Variants in VPS8 observed in about 807,000 individuals in gnomAD.
VPS8 encodes the protein vacuolar protein sorting-associated protein 8 homolog.
A neutral mutation model predicts 216.4 loss-of-function variants in VPS8; 129 were observed. The observed-to-expected ratio is 0.60, with a 90% confidence interval of 0.52 to 0.69. VPS8 has a LOEUF of 0.69. VPS8 is among the 30% of genes least tolerant of loss of function. The pLI is 0.00. For synonymous variants in VPS8, 571 were observed against 565.4 expected, an observed-to-expected ratio of 1.01 and a Z score of -0.14; for missense variants, 1,531 against 1,683.5, an observed-to-expected ratio of 0.91 and a Z score of 1.59.
At chr3:185,030,913 C>T (rs1049195009) in intron 46 of VPS8, among the ~76,000 whole-genome samples, 20 of 151,986 alleles carry the variant, frequency 1.3e-4, no homozygotes, top group African/African-American at 4.8e-4. Context: ...TAGGCATGAG[C>T]CACCATGCCT....
chr3:185,003,115 TTTTTTTATTTTTA>T (rs962965697), intron 45 of VPS8, among the ~76,000 whole-genome samples: 30 of 135,484 alleles, frequency 2.2e-4, no homozygotes, highest in Middle Eastern at 4.0e-3. Context: ...ACATCTAATA[TTTTTTTATTTTTA>T]TTTTTATTTT....
chr3:184,887,664 T>C (rs1019971415), intron 22 of VPS8, among the ~76,000 whole-genome samples: 3 of 152,068 alleles, frequency 2.0e-5, no homozygotes, highest in Non-Finnish European at 2.9e-5. Context: ...AACCACTAGC[T>C]TGTACCACTT....
chr3:184,894,785 T>C lies in VPS8; in HGVS notation c.1864T>C (p.Tyr622His). 1.9e-6 allele frequency: 3 copies of C among 1,610,430 alleles called. No homozygotes were observed. Among genetic ancestry groups the C allele is most frequent in the African/African-American group, 1.3e-5 (1 of 74,964 alleles). Residue 622 changes from tyrosine (Y) to histidine (H), a missense_variant, in exon 23 of 48, where the codon TAT becomes CAT. By Grantham distance (83) the Tyr-to-His change is moderately conservative. Around this residue, in one of 3 missense-constraint regions of VPS8, gnomAD observed 1,318 missense variants for 1,468.4 expected, o/e 0.90. Transcript: ENST00000625842. ...AGTATTTTTGGAGTGCCTTGAGCCATATATTTTAAGTGATAAATTGGTGGG... is the reference window on the plus strand; with the variant it reads ...AGTATTTTTGGAGTGCCTTGAGCCACATATTTTAAGTGATAAATTGGTGGG... Reference protein sequence around the residue: ...KGVFLECLEPYILSDKLVGIT... With the variant: ...KGVFLECLEPHILSDKLVGIT...
intron 15 of VPS8, among the ~76,000 whole-genome samples, chr3:184,860,779 C>T (rs1726208418): frequency 6.6e-6 from 1 of 151,100 alleles, no homozygotes; most frequent in Admixed American, 6.6e-5. Context: ...AAAAACTTTG[C>T]AGAGCTCTCT....
At chr3:185,021,605 C>T (rs943630966) in intron 45 of VPS8, among the ~76,000 whole-genome samples, 3 of 152,158 alleles carry the variant, frequency 2.0e-5, no homozygotes, top group East Asian at 3.8e-4. Context: ...TGAATTCCAG[C>T]GTATTAATGT....
intron 39 of VPS8, among the ~76,000 whole-genome samples, chr3:184,971,131 T>C (rs1443225649): frequency 2.0e-5 from 3 of 152,218 alleles, no homozygotes; most frequent in African/African-American, 7.2e-5. Context: ...ATAAATGTCT[T>C]AGGTTCATTA....
intron 20 of VPS8, 36 bp from the exon 21 acceptor site, chr3:184,870,680 T>C: frequency 2.7e-6 from 4 of 1,495,018 alleles, no homozygotes; most frequent in Non-Finnish European, 3.7e-6. Context: ...TTTAGAGATA[T>C]ATTTTAATGT....
intron 46 of VPS8, among the ~76,000 whole-genome samples, chr3:185,031,079 T>C (rs1319146147): frequency 6.7e-6 from 1 of 148,636 alleles, no homozygotes; most frequent in African/African-American, 2.5e-5. Flanking sequence ...TTTTTTTTTT[T>C]TTTTTTTTTT....
chr3:184,955,333 A>C (rs1329149611), intron 36 of VPS8, among the ~76,000 whole-genome samples: 1 of 152,190 alleles, frequency 6.6e-6, no homozygotes, highest in African/African-American at 2.4e-5. Context: ...TGAAAGTCTT[A>C]AAGTATTTGA....
Position 184,824,661 on chromosome 3 carries a change from T to C in VPS8, c.29T>C (p.Val10Ala). ...GAAAATGAACCAGACCATGAAAATG[T>C]GGAACAGAGCCTCTGTGCCAAGACG... MENEPDHEN[V>A]EQSLCAKTSE... The change falls in exon 2 of 48, where the codon GTG becomes GCG. Residue 10 changes from valine (V) to alanine (A), a missense_variant. Physicochemically the swap from Val to Ala is moderately conservative, Grantham distance 64 (BLOSUM62 0). This residue lies in a region of VPS8 where 199 missense variants were observed against 182.2 expected (regional missense o/e 1.09). Transcript: ENST00000625842. The C allele has an allele frequency of 6.2e-7, 1 of 1,613,910 alleles. No individual in the cohort carries two copies.
At chr3:184,989,417 G>C (rs1198698102) in intron 42 of VPS8, among the ~76,000 whole-genome samples, 1 of 151,810 alleles carries the variant, frequency 6.6e-6, no homozygotes, top group Non-Finnish European at 1.5e-5. Context: ...TACAGTAATT[G>C]ATTTTTCTTG....
At chr3:184,942,044 T>G (rs1353129784) in intron 36 of VPS8, among the ~76,000 whole-genome samples, 1 of 152,206 alleles carries the variant, frequency 6.6e-6, no homozygotes, top group Non-Finnish European at 1.5e-5. Flanking sequence ...TTGATGTAGA[T>G]TATGCTCTAA....
At chr3:184,960,139 TCATC>T (rs2109506510) in intron 37 of VPS8, among the ~76,000 whole-genome samples, 1 of 152,306 alleles carries the variant, frequency 6.6e-6, no homozygotes, top group Non-Finnish European at 1.5e-5. Context: ...GTTTCCAGCT[TCATC>T]CATGTCCCTA....
At chr3:184,979,825 G>T (rs34142364) in intron 40 of VPS8, among the ~76,000 whole-genome samples, 7 of 152,202 alleles carry the variant, frequency 4.6e-5, no homozygotes, top group Non-Finnish European at 7.3e-5. Context: ...GTTATGTGCA[G>T]ATTTGATCCT....
chr3:184,836,000 C>G (rs1331176888), intron 5 of VPS8, among the ~76,000 whole-genome samples: 1 of 152,100 alleles, frequency 6.6e-6, no homozygotes, highest in Non-Finnish European at 1.5e-5. Flanking sequence ...TGAGCCACCT[C>G]GTCCAGCCAA....
At chr3:185,038,031 G>A (rs148664664) in intron 46 of VPS8, among the ~76,000 whole-genome samples, 1 of 152,136 alleles carries the variant, frequency 6.6e-6, no homozygotes, top group African/African-American at 2.4e-5. Flanking sequence ...TTCTTTGCAT[G>A]CCTCATAACT....
At chr3:184,857,645 T>G (rs999040945) in intron 14 of VPS8, among the ~76,000 whole-genome samples, 2 of 152,206 alleles carry the variant, frequency 1.3e-5, no homozygotes, top group African/African-American at 4.8e-5. Flanking sequence ...CTGATCTTCC[T>G]AAAATGTCAC....
chr3:184,931,345 C>T (rs1054516536), intron 34 of VPS8, among the ~76,000 whole-genome samples: 1 of 151,926 alleles, frequency 6.6e-6, no homozygotes, highest in African/African-American at 2.4e-5. Flanking sequence ...TTGGAAATAA[C>T]ATTTAAACTG....
intron 46 of VPS8, among the ~76,000 whole-genome samples, chr3:185,032,170 AAAAC>A (rs535218859): frequency 1.9e-3 from 283 of 152,320 alleles, no homozygotes; most frequent in Middle Eastern, 0.01. Flanking sequence ...TCTTAAAAAA[AAAAC>A]AAACAAGTTG....
Sources: allele counts gnomAD v4.1 joint callset (sites outside exome capture counted in the v4.1 genomes callset), GRCh38; gene constraint gnomAD v4.1.1; regional missense constraint gnomAD v4.1.1; transcripts MANE v1.5; gene names NCBI Gene and HGNC (gene_info 2026-07-23, HGNC 2026-07-21).